FAM168A: variants seen among roughly 807,000 people sequenced by gnomAD.
The protein encoded by FAM168A is family with sequence similarity 168 member A.
A neutral mutation model predicts 28.5 loss-of-function variants in FAM168A; 3 were observed. That is an observed-to-expected ratio of 0.11 (90% confidence interval 0.05 to 0.27). The LOEUF is 0.27. Among genes scored for constraint, FAM168A ranks in the 10% least tolerant of loss-of-function variants. FAM168A has a pLI of 1.00. For synonymous variants in FAM168A, 122 were observed against 124.2 expected, an observed-to-expected ratio of 0.98 and a Z score of 0.12; for missense variants, 222 against 311.5, an observed-to-expected ratio of 0.71 and a Z score of 2.16.
At chr11:73,546,732 CAAAAA>C (rs145898219) in intron 1 of FAM168A, among the ~76,000 whole-genome samples, 1 of 77,350 alleles carries the variant, frequency 1.3e-5, no homozygotes, top group Admixed American at 1.4e-4. Flanking sequence ...AACTCCATCT[CAAAAA>C]AAAAAAAAAA....
chr11:73,426,203 C>T (rs964605887), intron 3 of FAM168A, among the ~76,000 whole-genome samples: 1 of 152,078 alleles, frequency 6.6e-6, no homozygotes, highest in Non-Finnish European at 1.5e-5. Flanking sequence ...ATTTTCAAGC[C>T]AGATTACCAT....
chr11:73,421,101 T>C (rs890693560), intron 3 of FAM168A, among the ~76,000 whole-genome samples: 3 of 151,282 alleles, frequency 2.0e-5, no homozygotes, highest in African/African-American at 7.3e-5. Context: ...TGGGGTGCTA[T>C]ATAGTATATT....
intron 1 of FAM168A, among the ~76,000 whole-genome samples, chr11:73,488,275 C>T (rs1868081604): frequency 6.6e-6 from 1 of 151,802 alleles, no homozygotes; most frequent in African/African-American, 2.4e-5. Flanking sequence ...GGATTACAGG[C>T]GCCTGCCACC....
rs772530179 is a variant in FAM168A, at chr11:73,529,796, C to CTTTTTTTTTTTTTTTTTTTTTTT, written c.-18-61305_-18-61304insAAAAAAAAAAAAAAAAAAAAAAA. ...TCCTTCATTCAAACAACTTTTTCTTCTTTTTTTTTTTTTTTTGGAGACGCA... is the reference window on the plus strand; with the variant it reads ...TCCTTCATTCAAACAACTTTTTCTTCTTTTTTTTTTTTTTTTTTTTTTTTTTTTTTTTTTTTTTTGGAGACGCA... On this transcript the variant is annotated intron_variant, in intron 1 of 7. Coordinates refer to ENST00000356467, the MANE Select transcript of FAM168A (RefSeq NM_015159.3). Among the ~76,000 whole-genome samples the CTTTTTTTTTTTTTTTTTTTTTTT allele has an allele frequency of 3.9e-5, 5 of 127,514 alleles. 1 individual carries two copies. The highest frequency in any genetic ancestry group is 1.0e-4 in the African/African-American group (3 of 29,686). 83.7% of individuals were successfully genotyped at this position (127,514 alleles called of 152,430 possible).
chr11:73,501,562 A>C (rs1855010988), intron 1 of FAM168A, among the ~76,000 whole-genome samples: 1 of 152,238 alleles, frequency 6.6e-6, no homozygotes, highest in Non-Finnish European at 1.5e-5. Context: ...AATTTCATGG[A>C]AATTGAACAA....
intron 1 of FAM168A, among the ~76,000 whole-genome samples, chr11:73,582,727 GA>G (rs1422525108): frequency 2.0e-5 from 3 of 152,156 alleles, no homozygotes; most frequent in Non-Finnish European, 4.4e-5. Flanking sequence ...AGGAAACTTT[GA>G]AGCAGAAAAA....
chr11:73,459,004 T>C (rs1867591015), intron 2 of FAM168A, among the ~76,000 whole-genome samples: 1 of 152,218 alleles, frequency 6.6e-6, no homozygotes, highest in African/African-American at 2.4e-5. Flanking sequence ...GCTTCTTATG[T>C]ATTATTATAT....
At chr11:73,473,816 T>C (rs1398881002) in intron 1 of FAM168A, among the ~76,000 whole-genome samples, 1 of 151,896 alleles carries the variant, frequency 6.6e-6, no homozygotes, top group Non-Finnish European at 1.5e-5. Flanking sequence ...CATCCTTTCT[T>C]ACTTTTTTTT....
intron 1 of FAM168A, among the ~76,000 whole-genome samples, chr11:73,512,678 A>C (rs1020971824): frequency 3.3e-5 from 5 of 152,082 alleles, no homozygotes; most frequent in African/African-American, 1.2e-4. Flanking sequence ...GACCCTTAAA[A>C]TCTGTGCTTT....
chr11:73,436,055 G>A (rs1867081106), intron 2 of FAM168A, among the ~76,000 whole-genome samples: 1 of 152,082 alleles, frequency 6.6e-6, no homozygotes, highest in Admixed American at 6.5e-5. Flanking sequence ...TTTTGTATTT[G>A]TATTTTTTGA....
chr11:73,569,751 G>A (rs1944064183), intron 1 of FAM168A, among the ~76,000 whole-genome samples: 4 of 151,958 alleles, frequency 2.6e-5, no homozygotes, highest in African/African-American at 9.7e-5. Context: ...GAACCCGGGG[G>A]GATCGGAGGT....
chr11:73,489,041 C>T (rs143986390), intron 1 of FAM168A, among the ~76,000 whole-genome samples: 105 of 151,752 alleles, frequency 6.9e-4, no homozygotes, highest in African/African-American at 2.3e-3. Flanking sequence ...AGTGTATGCC[C>T]GTCTAATTTT....
At chr11:73,517,974 A>T (rs2134646783) in intron 1 of FAM168A, among the ~76,000 whole-genome samples, 2 of 152,380 alleles carry the variant, frequency 1.3e-5, no homozygotes, top group Middle Eastern at 6.8e-3. Context: ...AGCAAAGGCA[A>T]TCTGGTTCAC....
chr11:73,575,643 G>C (rs369075763), intron 1 of FAM168A, among the ~76,000 whole-genome samples: 1 of 152,198 alleles, frequency 6.6e-6, no homozygotes, highest in Admixed American at 6.5e-5. Flanking sequence ...GCTGAGGCAA[G>C]TGGATCACCT....
intron 1 of FAM168A, among the ~76,000 whole-genome samples, chr11:73,536,223 C>T (rs1200350880): frequency 3.9e-5 from 6 of 152,144 alleles, no homozygotes; most frequent in Non-Finnish European, 5.9e-5. Context: ...ACCAGATATA[C>T]AGGAAAGCCC....
chr11:73,536,398 C>T (rs1943581727), intron 1 of FAM168A, among the ~76,000 whole-genome samples: 1 of 152,094 alleles, frequency 6.6e-6, no homozygotes, highest in Admixed American at 6.6e-5. Flanking sequence ...AATAAATAGG[C>T]CTCCCCAGGC....
chr11:73,570,805 T>C (rs1412282178), intron 1 of FAM168A, among the ~76,000 whole-genome samples: 2 of 151,846 alleles, frequency 1.3e-5, no homozygotes, highest in African/African-American at 4.8e-5. Flanking sequence ...TACAAAGAAT[T>C]ATGCAAATAT....
At chr11:73,457,348 C>T (rs1458962509) in intron 2 of FAM168A, among the ~76,000 whole-genome samples, 1 of 150,596 alleles carries the variant, frequency 6.6e-6, no homozygotes, top group Non-Finnish European at 1.5e-5. Flanking sequence ...TATGATCGCA[C>T]CACTGCACTC....
chr11:73,587,936 G>A (rs879940029), intron 1 of FAM168A, among the ~76,000 whole-genome samples: 2 of 152,044 alleles, frequency 1.3e-5, no homozygotes, highest in Non-Finnish European at 2.9e-5. Context: ...TTTTAGTAGA[G>A]ATGGGGTTTC....
Sources: allele counts gnomAD v4.1 joint callset (sites outside exome capture counted in the v4.1 genomes callset), GRCh38; gene constraint gnomAD v4.1.1; transcripts MANE v1.5; gene names NCBI Gene and HGNC (gene_info 2026-07-23, HGNC 2026-07-21).